SRGAP2: variants seen among roughly 807,000 people sequenced by gnomAD.
The protein encoded by SRGAP2 is SLIT-ROBO Rho GTPase-activating protein 2.
In SRGAP2, 15 loss-of-function variants were observed where a neutral mutation model predicts 57.2. The ratio of observed to expected loss-of-function variants is 0.26; its 90% CI spans 0.18 to 0.40. The LOEUF (loss-of-function observed/expected upper bound fraction) is 0.40. Among genes scored for constraint, SRGAP2 ranks in the 10% least tolerant of loss-of-function variants. The pLI, the probability that SRGAP2 is intolerant of heterozygous loss-of-function variation, is 1.00. For missense variants in SRGAP2, 520 were observed against 669.6 expected (o/e 0.78, Z 2.47); for synonymous variants, 249 against 248.0 (o/e 1.00, Z -0.04).
At chr1:206,226,921 G>C (rs1667307686) in intron 2 of SRGAP2, among the ~76,000 whole-genome samples, 1 of 150,854 alleles carries the variant, frequency 6.6e-6, no homozygotes, top group Admixed American at 6.6e-5. Flanking sequence ...ACAGTGACTT[G>C]GGTAGGGTAG....
chr1:206,327,342 A>AG (rs1478599274), intron 3 of SRGAP2, among the ~76,000 whole-genome samples: 4,104 of 150,882 alleles, frequency 0.027, 96 homozygotes, highest in African/African-American at 0.054. Context: ...AAAAAAAAAA[A>AG]GAAGTGTTCC....
chr1:206,455,321 A>T (rs1663738464), intron 21 of SRGAP2: 1 of 409,194 alleles, frequency 2.4e-6, no homozygotes, highest in Non-Finnish European at 4.5e-6. Context: ...TACAGCTAAA[A>T]CTTTGACCAA....
intron 1 of SRGAP2, chr1:206,205,123 C>T (rs1665794068): frequency 4.6e-5 from 7 of 152,146 alleles, no homozygotes. Context: ...GGCCGCTGCC[C>T]AGCGCTGGCG....
In SRGAP2 at chr1:206,427,207, A is replaced by G. The variant is rs150639027; in HGVS notation, c.1495-2955A>G. ...CTATTATTTGTAAATGAGAAATGTA[A>G]TAACAGAAGTCTGTAAACATAAAAA... On this transcript the variant is annotated intron_variant, in intron 13 of 22. Transcript: ENST00000573034. 3.2e-3 allele frequency among the ~76,000 whole-genome samples: 483 copies of G among 152,330 alleles called. 4 individuals carry two copies. Among genetic ancestry groups the G allele is most frequent in the African/African-American group, 0.011 (454 of 41,574 alleles).
At chr1:206,373,109 T>TC (rs1654869571) in intron 4 of SRGAP2, among the ~76,000 whole-genome samples, 1 of 128,926 alleles carries the variant, frequency 7.8e-6, no homozygotes, top group Non-Finnish European at 1.6e-5. Flanking sequence ...CTTTTTTTTT[T>TC]TTTTTTTTCT....
intron 17 of SRGAP2, among the ~76,000 whole-genome samples, chr1:206,443,542 T>C (rs191581662): frequency 3.9e-5 from 6 of 152,156 alleles, no homozygotes; most frequent in Non-Finnish European, 2.9e-5. Flanking sequence ...GCCAGACTAA[T>C]TTTTTTGTAT....
rs1171383670 is a variant in SRGAP2 at position 206,236,407 on chromosome 1, C to T, written c.67+30370C>T. Among the ~76,000 whole-genome samples, 10 of 152,292 alleles carry T rather than the reference C, an allele frequency of 6.6e-5. No individual in the cohort carries two copies. In the East Asian group the frequency reaches 1.3e-3, roughly 21 times the overall value. On this transcript the variant is annotated intron_variant, in intron 2 of 22. Transcript: ENST00000573034. ...TACTTGTACCTTTTCTCAACACCTG[C>T]GACATTTTCTTTTTCCAGAGATAGC...
In SRGAP2 at chr1:206,424,876, A is replaced by G. The variant is rs797030016; in HGVS notation, c.1494+3602A>G. Among the ~76,000 whole-genome samples, 5 of 152,348 alleles carry G rather than the reference A, an allele frequency of 3.3e-5. 1 individual carries two copies. Among genetic ancestry groups the G allele is most frequent in the African/African-American group, 1.2e-4 (5 of 41,590 alleles). On this transcript the variant is annotated intron_variant, in intron 13 of 22. Coordinates refer to ENST00000573034, the MANE Select transcript of SRGAP2 (RefSeq NM_015326.5). The stretch of plus-strand genomic sequence containing the variant: ...TGCTCCTACTGGACTCTTAGACTCC[A>G]CTGGAGCAGTGGGGACTAGAAAAAT...
intron 3 of SRGAP2, chr1:206,333,265 G>A: frequency 8.7e-7 from 1 of 1,151,812 alleles, no homozygotes; most frequent in Non-Finnish European, 1.3e-6. Flanking sequence ...CACGCTGGGA[G>A]CTGTAGACCG....
At chr1:206,425,442 T>G (rs1272531759) in intron 13 of SRGAP2, among the ~76,000 whole-genome samples, 1 of 152,250 alleles carries the variant, frequency 6.6e-6, no homozygotes, top group Non-Finnish European at 1.5e-5. Context: ...TATTAACTAT[T>G]ATTATCCTAC....
At chr1:206,413,664 T>C (rs903899080) in intron 10 of SRGAP2, among the ~76,000 whole-genome samples, 1 of 152,228 alleles carries the variant, frequency 6.6e-6, no homozygotes, top group Non-Finnish European at 1.5e-5. Context: ...CATTCATTTA[T>C]TCATCATGCA....
rs201058533 is a variant in SRGAP2 at position 206,414,029 on chromosome 1, C to CTTTTTTT, written c.1357-1857_1357-1856insTTTTTTT. Among the ~76,000 whole-genome samples, 51 of 145,146 alleles carry CTTTTTTT rather than the reference C, an allele frequency of 3.5e-4. 1 individual carries two copies. Among genetic ancestry groups the CTTTTTTT allele is most frequent in the African/African-American group, 1.2e-3 (47 of 37,720 alleles). Reference sequence around the variant, plus strand: ...ATTTGTTCACTTTTCTTTTCTTTTTCTTTCTTTTTTTTTTTTTTTTGAGAC... The same window carrying CTTTTTTT: ...ATTTGTTCACTTTTCTTTTCTTTTTCTTTTTTTTTTCTTTTTTTTTTTTTTTTGAGAC... On this transcript the variant is annotated intron_variant, in intron 10 of 22. Transcript: ENST00000573034.
chr1:206,427,000 T>A (rs1558420889), intron 13 of SRGAP2, among the ~76,000 whole-genome samples: 1 of 152,192 alleles, frequency 6.6e-6, no homozygotes, highest in Admixed American at 6.5e-5. Context: ...TTTGCTTTTG[T>A]TGCCTATGCT....
chr1:206,384,994 T>C (rs1442034751), intron 5 of SRGAP2, among the ~76,000 whole-genome samples: 2 of 148,880 alleles, frequency 1.3e-5, no homozygotes, highest in African/African-American at 2.6e-5. Context: ...TTTTTTCTTT[T>C]CTTTTCTTCC....
intron 2 of SRGAP2, among the ~76,000 whole-genome samples, chr1:206,302,031 A>G (rs1671903716): frequency 6.6e-6 from 1 of 151,886 alleles, no homozygotes; most frequent in African/African-American, 2.4e-5. Flanking sequence ...ATTACATAGC[A>G]TAGACAGAAA....
intron 5 of SRGAP2, among the ~76,000 whole-genome samples, chr1:206,389,524 T>A (rs1297591580): frequency 5.3e-5 from 8 of 151,910 alleles, no homozygotes; most frequent in Non-Finnish European, 1.5e-5. Context: ...TCTACCTTCA[T>A]CCCACTGCTA....
At chr1:206,444,333 C>A (rs1312069977) in intron 17 of SRGAP2, among the ~76,000 whole-genome samples, 1 of 152,228 alleles carries the variant, frequency 6.6e-6, no homozygotes, top group African/African-American at 2.4e-5. Context: ...GTGTCCTCTT[C>A]AAGCTCCTGG....
chr1:206,298,821 T>C (rs1329925139), intron 2 of SRGAP2, among the ~76,000 whole-genome samples: 2 of 152,270 alleles, frequency 1.3e-5, no homozygotes, highest in South Asian at 2.1e-4. Flanking sequence ...CTTTCCGCTA[T>C]TGATGATTTT....
chr1:206,252,970 C>G (rs1337275952), intron 2 of SRGAP2, among the ~76,000 whole-genome samples: 2 of 138,056 alleles, frequency 1.4e-5, no homozygotes, highest in African/African-American at 5.8e-5. Flanking sequence ...ACAACTTTTC[C>G]TGGCAGCCGG....
Sources: gnomAD v4.1 joint callset for allele counts (sites outside exome capture counted in the v4.1 genomes callset) on GRCh38, gnomAD v4.1.1 for gene constraint, MANE v1.5 for transcripts, NCBI Gene and HGNC (gene_info 2026-07-23, HGNC 2026-07-21) for gene names.